Variants in RRAGD observed in about 807,000 individuals in gnomAD.
RRAGD encodes Ras related GTP binding D.
A neutral mutation model predicts 35.5 loss-of-function variants in RRAGD; 12 were observed. That is an observed-to-expected ratio of 0.34 (90% CI 0.22 to 0.55). RRAGD has a LOEUF of 0.55. Among genes scored for constraint, RRAGD ranks in the 20% least tolerant of loss-of-function variants. The pLI is 0.91. For missense variants in RRAGD, 324 were observed against 490.1 expected (o/e 0.66, Z 3.20); for synonymous variants, 155 against 178.9 (o/e 0.87, Z 1.07).
rs1021401307 is a variant in RRAGD at position 89,371,401 on chromosome 6, A to G, written c.1051+1036T>C. Among the ~76,000 whole-genome samples, 29 of 152,106 alleles carry G rather than the reference A, an allele frequency of 1.9e-4. 1 individual carries two copies. Among genetic ancestry groups the G allele is most frequent in the African/African-American group, 7.0e-4 (29 of 41,416 alleles). The stretch of plus-strand genomic sequence containing the variant: ...CTACATGGGAGGATGAGGTGGGAGG[A>G]TCACTTGGGCCCGGGTGGTCAAAGC... On this transcript the variant is annotated intron_variant, in intron 6 of 6. Transcript: ENST00000369415.
rs71556520 is a variant in RRAGD, at chr6:89,402,038, A to ATTTTTTTTTTTTTTT, written c.148+9793_148+9807dup. Among the ~76,000 whole-genome samples the ATTTTTTTTTTTTTTT allele has an allele frequency of 3.8e-3, 301 of 78,416 alleles. 51 individuals carry two copies. Among genetic ancestry groups the ATTTTTTTTTTTTTTT allele is most frequent in the East Asian group, 0.015 (34 of 2,202 alleles). 51.4% of individuals were successfully genotyped at this position (78,416 alleles called of 152,430 possible). ...TGAAAGCACTGAGGAAATCCTAAGGATTTTTTTTTTTTTTTTTTTTTTGGT... is the reference window on the plus strand; with the variant it reads ...TGAAAGCACTGAGGAAATCCTAAGGATTTTTTTTTTTTTTTTTTTTTTTTTTTTTTTTTTTTTGGT... On this transcript the variant is annotated intron_variant, in intron 1 of 6. Coordinates refer to ENST00000369415, the MANE Select transcript of RRAGD (RefSeq NM_021244.5).
chr6:89,377,215 CA>C (rs1346172351), intron 5 of RRAGD, among the ~76,000 whole-genome samples: 3 of 152,116 alleles, frequency 2.0e-5, no homozygotes, highest in Non-Finnish European at 2.9e-5. Flanking sequence ...TTAAGTTTGT[CA>C]GGGGGGAAAT....
At position 89,367,768 on chromosome 6, in the gene RRAGD, T is replaced by A; in HGVS notation, c.*288A>T. The A allele has an allele frequency of 3.4e-6, 1 of 294,844 alleles. No individual in the cohort carries two copies. Among genetic ancestry groups the A allele is most frequent in the Non-Finnish European group, 6.2e-6 (1 of 161,366 alleles). The allele number at this position is 294,844 out of a possible 1,614,324, so 18.3% of individuals were successfully genotyped here. A position where few individuals can be genotyped will look rare whatever the true frequency, so the allele number is the denominator to read the frequency against. ...TGAAAAAGTGCAAAATATGTACAAT[T>A]CCTGGCAGTTCTCACACGGGATTTT... On this transcript the variant is annotated 3_prime_UTR_variant, in exon 7 of 7. Transcript: ENST00000369415.
intron 5 of RRAGD, among the ~76,000 whole-genome samples, chr6:89,376,919 C>A (rs1033060902): frequency 6.6e-6 from 1 of 152,196 alleles, no homozygotes; most frequent in Non-Finnish European, 1.5e-5. Flanking sequence ...TCCACTTATA[C>A]ATGGATTTTC....
intron 1 of RRAGD, among the ~76,000 whole-genome samples, chr6:89,410,400 A>G (rs962367625): frequency 9.2e-5 from 14 of 152,236 alleles, no homozygotes; most frequent in African/African-American, 3.1e-4. Context: ...GGAGGAGCTA[A>G]CAAATGGAAT....
intron 1 of RRAGD, among the ~76,000 whole-genome samples, chr6:89,392,694 G>C (rs556328607): frequency 9.2e-5 from 14 of 152,180 alleles, no homozygotes; most frequent in Admixed American, 2.0e-4. Context: ...GTTAATACTT[G>C]ATAATATCTT....
intron 2 of RRAGD, among the ~76,000 whole-genome samples, chr6:89,381,884 A>G (rs1769048997): frequency 6.6e-6 from 1 of 152,192 alleles, no homozygotes; most frequent in African/African-American, 2.4e-5. Context: ...TTGTCAGGTC[A>G]TAGGTAGGAG....
intron 3 of RRAGD, 75 bp downstream of exon 3, chr6:89,380,093 A>G (rs1327170121): frequency 4.5e-6 from 6 of 1,346,824 alleles, no homozygotes; most frequent in African/African-American, 2.9e-5. Flanking sequence ...TGCCAAGCCA[A>G]TCATGGTGAC....
intron 2 of RRAGD, among the ~76,000 whole-genome samples, chr6:89,384,305 G>A (rs1192606289): frequency 1.3e-5 from 2 of 152,094 alleles, no homozygotes; most frequent in African/African-American, 2.4e-5. Flanking sequence ...ATAAATTACA[G>A]CATTCAACAA....
In RRAGD at chr6:89,365,090, T is replaced by C. The variant is rs1358648278; in HGVS notation, c.*2966A>G. On this transcript the variant is annotated 3_prime_UTR_variant, in exon 7 of 7. Coordinates refer to ENST00000369415, the MANE Select transcript of RRAGD (RefSeq NM_021244.5). Reference sequence around the variant, plus strand: ...AAACAGAGTTGGCATATAACCCGTATGTAACAATATTGCTGTGATTTTAGT... The same window carrying C: ...AAACAGAGTTGGCATATAACCCGTACGTAACAATATTGCTGTGATTTTAGT... 2.0e-5 allele frequency: 3 copies of C among 152,244 alleles called. No individual in the cohort carries two copies. The highest frequency in any genetic ancestry group is 4.4e-5 in the Non-Finnish European group (3 of 68,040). The allele number at this position is 152,244 out of a possible 1,614,324, so 9.4% of individuals were successfully genotyped here.
At chr6:89,399,552 G>T (rs1769410835) in intron 1 of RRAGD, among the ~76,000 whole-genome samples, 1 of 152,128 alleles carries the variant, frequency 6.6e-6, no homozygotes, top group Non-Finnish European at 1.5e-5. Context: ...AGGGCAAATT[G>T]CTTGAGCCCA....
intron 2 of RRAGD, among the ~76,000 whole-genome samples, chr6:89,385,229 T>C (rs907338399): frequency 7.9e-5 from 12 of 152,188 alleles, no homozygotes; most frequent in African/African-American, 2.7e-4. Flanking sequence ...AAATTTGAAT[T>C]CCCATAAATG....
At chr6:89,368,320 G>T (rs60907617) in intron 6 of RRAGD, 113 bp from the exon 7 acceptor site, 3 of 856,730 alleles carry the variant, frequency 3.5e-6, no homozygotes, top group African/African-American at 1.7e-5. Flanking sequence ...TGGTCTTAGC[G>T]TAAGGACCAG....
At chr6:89,368,286 A>G in intron 6 of RRAGD, 79 bp from the exon 7 acceptor site, 1 of 1,352,988 alleles carries the variant, frequency 7.4e-7, no homozygotes. Flanking sequence ...TGGCCAGGAC[A>G]AGCCAGTAGG....
At chr6:89,395,425 C>T (rs779616920) in intron 1 of RRAGD, among the ~76,000 whole-genome samples, 3 of 151,920 alleles carry the variant, frequency 2.0e-5, no homozygotes, top group Admixed American at 6.6e-5. Flanking sequence ...CAACTTAAAT[C>T]GATAGAACTA....
intron 1 of RRAGD, among the ~76,000 whole-genome samples, chr6:89,391,663 C>T (rs1013117006): frequency 1.3e-5 from 2 of 152,010 alleles, no homozygotes; most frequent in African/African-American, 4.8e-5. Context: ...TAAAAATGTT[C>T]TGGAATTTGC....
chr6:89,411,596 C>G lies in RRAGD; in HGVS notation c.148+250G>C. On this transcript the variant is annotated intron_variant, in intron 1 of 6. Transcript: ENST00000369415. The surrounding 1 kb of genome is among the most constrained non-coding windows in gnomAD (Gnocchi z 5.6). ...GGGGCAGAAGCGCGCGCTCCTCCAG[C>G]CCAGACGCTTACTCCCTCCTTCCCC... 1.9e-6 allele frequency: 1 copy of G among 537,324 alleles called. No homozygotes were observed. Among genetic ancestry groups the G allele is most frequent in the South Asian group, 2.1e-5 (1 of 46,848 alleles). 33.3% of individuals were successfully genotyped at this position (537,324 alleles called of 1,614,324 possible). A position where few individuals can be genotyped will look rare whatever the true frequency, so the allele number is the denominator to read the frequency against.
At position 89,366,028 on chromosome 6, in the gene RRAGD, A is replaced by G. The variant is rs1181797500; in HGVS notation, c.*2028T>C. 4.6e-5 allele frequency: 7 copies of G among 152,230 alleles called. No individual in the cohort carries two copies. The highest frequency in any genetic ancestry group is 8.8e-5 in the Non-Finnish European group (6 of 68,046). The allele number at this position is 152,230 out of a possible 1,614,324, so 9.4% of individuals were successfully genotyped here. On this transcript the variant is annotated 3_prime_UTR_variant, in exon 7 of 7. Coordinates refer to ENST00000369415, the MANE Select transcript of RRAGD (RefSeq NM_021244.5). ...ATCAGGGAGCCCTGGGCTCCTAACC[A>G]TCCAGGTTTCGGAGTAGGAATCATG...
Position 89,377,795 on chromosome 6 carries a change from C to A in RRAGD, c.778G>T (p.Ala260Ser). The change falls in exon 5 of 7, where the codon GCA becomes TCA. Residue 260 changes from alanine (A) to serine (S), a missense_variant. Ala to Ser is a moderately conservative substitution (Grantham distance 99). Coordinates refer to ENST00000369415, the MANE Select transcript of RRAGD (RefSeq NM_021244.5). ...TTACTGACCACATCAAATAGAAATG[C>A]CTTTTCAATTCCAGAATTCTGAAAT... ...IFISNSGIEK[A>S]FLFDVVSKIY... 1 of 1,594,606 alleles carries A rather than the reference C, an allele frequency of 6.3e-7. No individual in the cohort carries two copies. The highest frequency in any genetic ancestry group is 8.5e-7 in the Non-Finnish European group (1 of 1,174,592).
Sources: gnomAD v4.1 joint callset for allele counts (sites outside exome capture counted in the v4.1 genomes callset) on GRCh38, gnomAD v4.1.1 for gene constraint, Gnocchi (gnomAD v3.1) non-coding constraint, MANE v1.5 for transcripts, NCBI Gene and HGNC (gene_info 2026-07-23, HGNC 2026-07-21) for gene names.